PLD5: variants seen among roughly 807,000 people sequenced by gnomAD.
PLD5 encodes phospholipase D family member 5.
Under a neutral mutation model 61.1 loss-of-function variants are expected in PLD5, and 36 were observed. That is an observed-to-expected ratio of 0.59 (90% CI 0.45 to 0.78). The LOEUF is 0.78. Ranked by LOEUF, PLD5 falls within the 30% of genes least tolerant of loss-of-function variation. The probability of loss-of-function intolerance (pLI) is 0.00; values close to 1 mark genes in which losing one functional copy is unlikely to be tolerated. For missense variants in PLD5, 515 were observed against 644.4 expected (o/e 0.80, Z 2.17); for synonymous variants, 243 against 242.8 (o/e 1.00, Z -0.01).
At chr1:242,194,566 A>ATGTCTATC (rs1668481093) in intron 5 of PLD5, among the ~76,000 whole-genome samples, 1 of 123,980 alleles carries the variant, frequency 8.1e-6, no homozygotes, top group African/African-American at 3.1e-5. Context: ...AGCTATCTCT[A>ATGTCTATC]TATCTATCTA....
intron 2 of PLD5, among the ~76,000 whole-genome samples, chr1:242,291,441 G>A (rs1353657559): frequency 1.3e-5 from 2 of 152,132 alleles, no homozygotes; most frequent in African/African-American, 2.4e-5. Flanking sequence ...ATTGTGCACA[G>A]TGAGTGTCCA....
At chr1:242,243,461 T>C (rs1672181137) in intron 4 of PLD5, among the ~76,000 whole-genome samples, 1 of 152,168 alleles carries the variant, frequency 6.6e-6, no homozygotes, top group South Asian at 2.1e-4. Flanking sequence ...CTGTACATAA[T>C]TCAGGAAGAG....
At chr1:242,355,301 G>A (rs1437024611) in intron 1 of PLD5, among the ~76,000 whole-genome samples, 1 of 152,212 alleles carries the variant, frequency 6.6e-6, no homozygotes, top group East Asian at 1.9e-4. Flanking sequence ...CTCCTCACTT[G>A]TTATTCATCT....
intron 3 of PLD5, among the ~76,000 whole-genome samples, chr1:242,277,924 A>G (rs1674503650): frequency 6.6e-6 from 1 of 152,230 alleles, no homozygotes; most frequent in South Asian, 2.1e-4. Flanking sequence ...TGGAGGTTGC[A>G]GTGAGCTGAG....
At chr1:242,420,489 C>T (rs1665078910) in intron 1 of PLD5, among the ~76,000 whole-genome samples, 1 of 152,152 alleles carries the variant, frequency 6.6e-6, no homozygotes, top group Non-Finnish European at 1.5e-5. Context: ...CATCCTTAAG[C>T]ATCATTATCT....
chr1:242,218,491 T>C (rs1335194508), intron 5 of PLD5, among the ~76,000 whole-genome samples: 2 of 152,174 alleles, frequency 1.3e-5, no homozygotes, highest in African/African-American at 4.8e-5. Flanking sequence ...ATCCAGAGAT[T>C]AGTGAGTTTG....
chr1:242,096,689 T>G (rs990609668), intron 9 of PLD5, among the ~76,000 whole-genome samples: 33 of 151,662 alleles, frequency 2.2e-4, no homozygotes, highest in Admixed American at 6.5e-4. Context: ...TTTTGTTTTT[T>G]TTTTTTTTTA....
chr1:242,260,091 G>C (rs1673296100), intron 4 of PLD5, among the ~76,000 whole-genome samples: 1 of 152,130 alleles, frequency 6.6e-6, no homozygotes, highest in Non-Finnish European at 1.5e-5. Flanking sequence ...GCTCACGCCT[G>C]TACTCCCAAC....
chr1:242,512,103 G>A (rs1367361664), intron 1 of PLD5, among the ~76,000 whole-genome samples: 2 of 151,920 alleles, frequency 1.3e-5, no homozygotes, highest in Non-Finnish European at 2.9e-5. Flanking sequence ...AAGGCTGGCC[G>A]GCCTTTAAGA....
rs1175186358 is a variant in PLD5, at chr1:242,207,906, A to G, written c.735+12082T>C. 2.1e-4 allele frequency among the ~76,000 whole-genome samples: 4 copies of G among 18,672 alleles called. 2 individuals carry two copies. The highest frequency in any genetic ancestry group is 3.2e-4 in the Non-Finnish European group (4 of 12,632). 12.2% of individuals were successfully genotyped at this position (18,672 alleles called of 152,430 possible). A position where few individuals can be genotyped will look rare whatever the true frequency, so the allele number is the denominator to read the frequency against. On this transcript the variant is annotated intron_variant, in intron 5 of 9. Transcript: ENST00000536534. ...TATATTTATATATATTTATATATTT[A>G]TATATATTTATATATTTATATATAT...
chr1:242,421,842 G>T (rs956690214), intron 1 of PLD5, among the ~76,000 whole-genome samples: 1 of 152,194 alleles, frequency 6.6e-6, no homozygotes, highest in African/African-American at 2.4e-5. Context: ...AGAAAAATCT[G>T]ATGAAATGGA....
intron 5 of PLD5, among the ~76,000 whole-genome samples, chr1:242,204,879 C>G (rs572674262): frequency 6.6e-6 from 1 of 152,038 alleles, no homozygotes; most frequent in Non-Finnish European, 1.5e-5. Context: ...AGCTTAGTAA[C>G]AGCCAAAAAA....
rs369780016 is a variant in PLD5, at chr1:242,139,607, G to A, written c.736-14942C>T. Among the ~76,000 whole-genome samples the A allele has an allele frequency of 1.8e-3, 275 of 152,086 alleles. 11 individuals are homozygous for A. The South Asian group carries it at 0.056, about 31-fold the overall frequency. The stretch of plus-strand genomic sequence containing the variant: ...GGGCCACATCTGACTTCCTGCACAC[G>A]GGCTCCTCTCCCTGCAGTTTCCTTT... On this transcript the variant is annotated intron_variant, in intron 5 of 9. Coordinates refer to ENST00000536534, the MANE Select transcript of PLD5 (RefSeq NM_001372062.1).
intron 1 of PLD5, among the ~76,000 whole-genome samples, chr1:242,492,260 C>T (rs1668181012): frequency 6.6e-6 from 1 of 151,966 alleles, no homozygotes; most frequent in Admixed American, 6.6e-5. Flanking sequence ...ACCTGTAATC[C>T]CAGCACCTTG....
chr1:242,465,646 C>T (rs536788066), intron 1 of PLD5, among the ~76,000 whole-genome samples: 130 of 152,296 alleles, frequency 8.5e-4, no homozygotes, highest in Non-Finnish European at 1.3e-3. Context: ...ATGCCAGGCA[C>T]GGCCGGGCAC....
At chr1:242,414,834 A>G (rs1664737293) in intron 1 of PLD5, among the ~76,000 whole-genome samples, 1 of 152,236 alleles carries the variant, frequency 6.6e-6, no homozygotes, top group African/African-American at 2.4e-5. Context: ...TAAGCAAGGA[A>G]AAAAGACAAA....
upstream of PLD5, chr1:242,524,817 C>A (rs1227540371): frequency 1.3e-5 from 2 of 151,254 alleles, no homozygotes; most frequent in East Asian, 4.0e-4. Flanking sequence ...CCGCCGCCGC[C>A]CCTCCCGCCG....
Position 242,411,306 on chromosome 1 carries a change from G to A in PLD5, c.190-63064C>T, listed in dbSNP as rs185920704. ...GCTGGAGTGCAGTGGCACGATCTCG[G>A]CTCACTGCAAGCTCCGCCTCCCGGG... is the stretch of plus-strand genomic sequence containing the variant. On this transcript the variant is annotated intron_variant, in intron 1 of 9. Transcript: ENST00000536534. Among the ~76,000 whole-genome samples, 32 of 152,298 alleles carry A rather than the reference G, an allele frequency of 2.1e-4. 1 individual carries two copies. The highest frequency in any genetic ancestry group is 7.5e-4 in the African/African-American group (31 of 41,554).
chr1:242,239,427 C>A (rs1252689500), intron 4 of PLD5, among the ~76,000 whole-genome samples: 1 of 152,186 alleles, frequency 6.6e-6, no homozygotes, highest in Non-Finnish European at 1.5e-5. Flanking sequence ...CCCGTTAACA[C>A]TAAGTGCTTT....
Sources: allele counts gnomAD v4.1 joint callset (sites outside exome capture counted in the v4.1 genomes callset), GRCh38; gene constraint gnomAD v4.1.1; transcripts MANE v1.5; gene names NCBI Gene and HGNC (gene_info 2026-07-23, HGNC 2026-07-21).